The following ARMC9 variants were observed in gnomAD, a reference collection of about 807,000 sequenced individuals.
ARMC9 encodes the protein armadillo repeat containing 9.
In ARMC9, 94 loss-of-function variants were observed where a neutral mutation model predicts 107.0. The ratio of observed to expected loss-of-function variants is 0.88; its 90% CI spans 0.74 to 1.04. The LOEUF (loss-of-function observed/expected upper bound fraction) is 1.04, where lower values mean the gene tolerates loss of function less well. Among genes scored for constraint, ARMC9 ranks in the 50% least tolerant of loss-of-function variants. The pLI, the probability that ARMC9 is intolerant of heterozygous loss-of-function variation, is 0.00. For missense variants in ARMC9, 942 were observed against 1,030.1 expected (o/e 0.91, Z 1.17); for synonymous variants, 380 against 396.9 (o/e 0.96, Z 0.51).
intron 21 of ARMC9, among the ~76,000 whole-genome samples, chr2:231,355,183 A>T (rs1388615315): frequency 6.6e-6 from 1 of 152,132 alleles, no homozygotes. Flanking sequence ...TACAAAAAAT[A>T]AAAAAATCAG....
chr2:231,260,251 G>A (rs1333767296), intron 11 of ARMC9, among the ~76,000 whole-genome samples: 1 of 152,134 alleles, frequency 6.6e-6, no homozygotes, highest in African/African-American at 2.4e-5. Context: ...GCCTCCCAGA[G>A]ATTGATCATA....
intron 12 of ARMC9, among the ~76,000 whole-genome samples, chr2:231,268,607 C>G (rs577490067): frequency 6.6e-6 from 1 of 152,158 alleles, no homozygotes; most frequent in African/African-American, 2.4e-5. Context: ...TAGTTAATAA[C>G]GTCTAGAGAA....
chr2:231,376,282 G>A lies in ARMC9; in HGVS notation c.*4747G>A, dbSNP rs1231511952. On this transcript the variant is annotated 3_prime_UTR_variant, in exon 25 of 25. Coordinates refer to ENST00000611582, the MANE Select transcript of ARMC9 (RefSeq NM_001352754.2). Reference sequence around the variant, plus strand: ...GAGATAACCTTAAACTCTGACCACTGGTGAGTCGGGCGGAACAGAGCCATA... The same window carrying A: ...GAGATAACCTTAAACTCTGACCACTAGTGAGTCGGGCGGAACAGAGCCATA... Among the ~76,000 whole-genome samples the A allele has an allele frequency of 6.6e-6, 1 of 152,154 alleles. No individual in the cohort carries two copies. The highest frequency in any genetic ancestry group is 1.5e-5 in the Non-Finnish European group (1 of 68,038).
At chr2:231,341,456 G>A (rs188142971) in intron 20 of ARMC9, among the ~76,000 whole-genome samples, 2 of 152,322 alleles carry the variant, frequency 1.3e-5, no homozygotes, top group African/African-American at 4.8e-5. Context: ...ATGGCCCCTA[G>A]CTGCACGGGA....
At chr2:231,371,086 A>G (rs961359844) in intron 24 of ARMC9, 1 of 464,170 alleles carries the variant, frequency 2.2e-6, no homozygotes, top group African/African-American at 2.0e-5. Context: ...AGCCCAGGTC[A>G]GGCGCAGAGG....
intron 20 of ARMC9, among the ~76,000 whole-genome samples, chr2:231,335,178 GCTGA>G (rs1168567363): frequency 1.3e-5 from 2 of 152,220 alleles, no homozygotes; most frequent in African/African-American, 4.8e-5. Flanking sequence ...AACTGCTCTT[GCTGA>G]GTGGGGTAGA....
At chr2:231,337,290 ATTTTTTTTTT>A (rs58078324) in intron 20 of ARMC9, among the ~76,000 whole-genome samples, 1 of 38,018 alleles carries the variant, frequency 2.6e-5, no homozygotes, top group Non-Finnish European at 4.3e-5. Flanking sequence ...ATATATATAT[ATTTTTTTTTT>A]TTTTTTTTTT....
Position 231,282,105 on chromosome 2 carries a change from CA to C in ARMC9, c.1599del (p.Ser534ProfsTer26). 2 of 1,614,118 alleles carry C rather than the reference CA, an allele frequency of 1.2e-6. No individual in the cohort carries two copies. On this transcript the variant is annotated frameshift_variant, in exon 17 of 25. Coordinates refer to ENST00000611582, the MANE Select transcript of ARMC9 (RefSeq NM_001352754.2). LOFTEE classifies it high-confidence loss of function. ...NGALYSILSV[P>X]SIREEARAMG... ...GCTCTGTACAGCATCCTTTCTGTTCCATCCATTCGTGAGGAAGCAAGAGCAA... is the reference window on the plus strand; with the variant it reads ...GCTCTGTACAGCATCCTTTCTGTTCCTCCATTCGTGAGGAAGCAAGAGCAA...
At chr2:231,248,302 T>C (rs1479477469) in intron 9 of ARMC9, among the ~76,000 whole-genome samples, 1 of 152,212 alleles carries the variant, frequency 6.6e-6, no homozygotes, top group Non-Finnish European at 1.5e-5. Flanking sequence ...ATTTCCTAAC[T>C]GGTCTTAAAG....
At chr2:231,279,518 T>C (rs1291177751) in intron 16 of ARMC9, among the ~76,000 whole-genome samples, 1 of 146,748 alleles carries the variant, frequency 6.8e-6, no homozygotes, top group African/African-American at 2.5e-5. Context: ...TTTCTTTTTT[T>C]TTTTTTTTTT....
At chr2:231,292,676 G>A (rs532463339) in intron 18 of ARMC9, among the ~76,000 whole-genome samples, 4 of 152,274 alleles carry the variant, frequency 2.6e-5, no homozygotes, top group East Asian at 1.9e-4. Context: ...GCTGGAATCC[G>A]GGGCCAGGTT....
intron 19 of ARMC9, among the ~76,000 whole-genome samples, chr2:231,322,284 G>A (rs974287741): frequency 6.6e-6 from 1 of 152,264 alleles, no homozygotes; most frequent in Non-Finnish European, 1.5e-5. Context: ...GCCTCACGCT[G>A]CCTGGCCTGG....
chr2:231,286,775 T>A (rs1201452448), intron 17 of ARMC9, among the ~76,000 whole-genome samples: 2 of 152,172 alleles, frequency 1.3e-5, no homozygotes, highest in African/African-American at 4.8e-5. Flanking sequence ...TATGTGCTCA[T>A]GGAAAATGAC....
intron 3 of ARMC9, among the ~76,000 whole-genome samples, chr2:231,213,562 C>T (rs529364510): frequency 8.6e-5 from 13 of 151,590 alleles, no homozygotes; most frequent in African/African-American, 2.2e-4. Flanking sequence ...CCCCAACCTC[C>T]GCCTCCCGGG....
chr2:231,204,032 G>C (rs1004306629), intron 1 of ARMC9, among the ~76,000 whole-genome samples: 2 of 151,846 alleles, frequency 1.3e-5, no homozygotes, highest in East Asian at 3.9e-4. Context: ...AAAAGACTTG[G>C]GGCATAGTGG....
Position 231,373,197 on chromosome 2 carries a change from C to T in ARMC9, c.*1662C>T, listed in dbSNP as rs2046093359. 6.6e-6 allele frequency: 1 copy of T among 152,252 alleles called. No individual in the cohort carries two copies. Among genetic ancestry groups the T allele is most frequent in the Admixed American group, 6.5e-5 (1 of 15,286 alleles). 9.4% of individuals were successfully genotyped at this position (152,252 alleles called of 1,614,324 possible). A position where few individuals can be genotyped will look rare whatever the true frequency, so the allele number is the denominator to read the frequency against. On this transcript the variant is annotated 3_prime_UTR_variant, in exon 25 of 25. Transcript: ENST00000611582. This position sits in a 1 kb window ranked among gnomAD's most constrained non-coding sequence, Gnocchi z 4.4. ...AGGCATTGGGAGCAAACACAAAGCT[C>T]GCCCCTGGTGTCAGTGGTGCAGACA...
Position 231,355,816 on chromosome 2 carries a change from A to G in ARMC9, c.2013A>G (p.Thr671=). ...TCTCCAGGGTGGAAGACCAACACAC[A>G]CCTCCCCAGACAGCCCAGCACGCCA... ...NGYPVVEDQH[T]PPQTAQHARN... Residue 671 remains threonine (T), a synonymous_variant, in exon 22 of 25, where the codon ACA becomes ACG. Transcript: ENST00000611582. The G allele has an allele frequency of 6.5e-7, 1 of 1,533,868 alleles. No homozygotes were observed. The highest frequency in any genetic ancestry group is 8.7e-7 in the Non-Finnish European group (1 of 1,145,596).
intron 9 of ARMC9, among the ~76,000 whole-genome samples, chr2:231,248,809 A>C (rs1283286394): frequency 6.4e-5 from 9 of 141,310 alleles, no homozygotes; most frequent in Admixed American, 1.4e-4. Flanking sequence ...TCTGTCTCAA[A>C]AAAAAAAAAA....
At chr2:231,368,915 G>A (rs2045913694) in intron 23 of ARMC9, among the ~76,000 whole-genome samples, 1 of 152,076 alleles carries the variant, frequency 6.6e-6, no homozygotes. Flanking sequence ...GAGCCACCGC[G>A]CCCGGCCTAT....
Sources: gnomAD v4.1 joint callset for allele counts (sites outside exome capture counted in the v4.1 genomes callset) on GRCh38, gnomAD v4.1.1 for gene constraint, Gnocchi (gnomAD v3.1) non-coding constraint, MANE v1.5 for transcripts, NCBI Gene and HGNC (gene_info 2026-07-23, HGNC 2026-07-21) for gene names.